MAP4K4: variants seen among roughly 807,000 people sequenced by gnomAD.
The protein encoded by MAP4K4 is mitogen-activated protein kinase kinase kinase kinase 4.
A neutral mutation model predicts 189.6 loss-of-function variants in MAP4K4; 38 were observed. The ratio of observed to expected loss-of-function variants is 0.20; its 90% CI spans 0.15 to 0.26. The LOEUF is 0.26. Among genes scored for constraint, MAP4K4 ranks in the 10% least tolerant of loss-of-function variants. The pLI is 1.00. For missense variants in MAP4K4, 1,054 were observed against 1,726.9 expected, an observed-to-expected ratio of 0.61 and a Z score of 6.91; for synonymous variants, 610 against 624.3, an observed-to-expected ratio of 0.98 and a Z score of 0.34.
intron 2 of MAP4K4, among the ~76,000 whole-genome samples, chr2:101,775,357 C>T (rs1262822571): frequency 6.6e-6 from 1 of 151,518 alleles, no homozygotes; most frequent in Non-Finnish European, 1.5e-5. Flanking sequence ...TTGTATCTTA[C>T]CAAGTTTATT....
chr2:101,836,268 A>G (rs2096747931), intron 9 of MAP4K4, among the ~76,000 whole-genome samples: 1 of 152,196 alleles, frequency 6.6e-6, no homozygotes, highest in African/African-American at 2.4e-5. Context: ...AGTGTAATAT[A>G]CTTCTAAACA....
At chr2:101,749,149 G>GA (rs1214472648) in intron 2 of MAP4K4, among the ~76,000 whole-genome samples, 2 of 150,146 alleles carry the variant, frequency 1.3e-5, no homozygotes, top group African/African-American at 2.4e-5. Flanking sequence ...CACAGAATTG[G>GA]AAAAAACTAC....
At chr2:101,888,175 C>T (rs1387926877) in intron 31 of MAP4K4, among the ~76,000 whole-genome samples, 1 of 152,210 alleles carries the variant, frequency 6.6e-6, no homozygotes, top group Non-Finnish European at 1.5e-5. Flanking sequence ...CATAATCTCT[C>T]ATTTAATCCT....
intron 2 of MAP4K4, among the ~76,000 whole-genome samples, chr2:101,768,144 C>T (rs771643550): frequency 1.6e-4 from 25 of 152,074 alleles, no homozygotes; most frequent in African/African-American, 2.4e-4. Context: ...TGTATCATAA[C>T]GTTAGTAATA....
chr2:101,873,650 C>A, exon 25 of MAP4K4: 2 of 1,557,046 alleles, frequency 1.3e-6, no homozygotes, highest in African/African-American at 1.4e-5. Context: ...ATTGCAGACT[C>A]AGTCCGCTAG....
intron 2 of MAP4K4, among the ~76,000 whole-genome samples, chr2:101,779,703 T>C (rs575953922): frequency 6.6e-6 from 1 of 152,268 alleles, no homozygotes; most frequent in African/African-American, 2.4e-5. Flanking sequence ...GTGCTCTGGC[T>C]TTGGAAACCT....
rs1482309583 is a variant in MAP4K4 at position 101,698,192 on chromosome 2, C to T, written c.57+55C>T. ...GAGCGGGCAGCCGGCAGCCGGCAGC[C>T]GGGGCCGCGCCCAGGTCGGCCGGGC... On this transcript the variant is annotated intron_variant, in intron 1 of 32. Coordinates refer to ENST00000324219, the Ensembl canonical transcript of MAP4K4. 3 of 890,560 alleles carry T rather than the reference C, an allele frequency of 3.4e-6. No individual in the cohort carries two copies. In the African/African-American group the frequency reaches 5.5e-5, roughly 16 times the overall value. The allele number at this position is 890,560 out of a possible 1,614,324, so 55.2% of individuals were successfully genotyped here.
At chr2:101,782,823 T>C (rs888274521) in intron 2 of MAP4K4, among the ~76,000 whole-genome samples, 3 of 152,226 alleles carry the variant, frequency 2.0e-5, no homozygotes, top group African/African-American at 4.8e-5. Flanking sequence ...CTGGGTAATA[T>C]GCTCTCCCAC....
chr2:101,776,845 C>T (rs1558869189), intron 2 of MAP4K4, among the ~76,000 whole-genome samples: 1 of 152,092 alleles, frequency 6.6e-6, no homozygotes, highest in Non-Finnish European at 1.5e-5. Context: ...TTGAATTTCG[C>T]AATCTCATAA....
chr2:101,851,669 G>T (rs1409290110), intron 12 of MAP4K4, among the ~76,000 whole-genome samples: 1 of 135,122 alleles, frequency 7.4e-6, no homozygotes, highest in Non-Finnish European at 1.6e-5. Flanking sequence ...TCTCGATCTA[G>T]TTTACCACTT....
intron 9 of MAP4K4, 32 bp downstream of exon 9, chr2:101,836,010 T>C (rs1225251344): frequency 6.6e-7 from 1 of 1,526,128 alleles, no homozygotes; most frequent in South Asian, 1.1e-5. Flanking sequence ...GTTGTTCTTT[T>C]CCCTTTTTTT....
chr2:101,787,422 T>TA (rs1330063082), intron 2 of MAP4K4, among the ~76,000 whole-genome samples: 2 of 152,196 alleles, frequency 1.3e-5, no homozygotes, highest in African/African-American at 4.8e-5. Flanking sequence ...TCTCTTTAAA[T>TA]ACCCTTCAGG....
Position 101,806,364 on chromosome 2 carries a change from A to G in MAP4K4, c.180+15588A>G, listed in dbSNP as rs539912078. 1.8e-4 allele frequency among the ~76,000 whole-genome samples: 26 copies of G among 148,316 alleles called. No homozygotes were observed. In the South Asian group the frequency reaches 5.5e-3, roughly 32 times the overall value. On this transcript the variant is annotated intron_variant, in intron 3 of 32. Coordinates refer to ENST00000324219, the Ensembl canonical transcript of MAP4K4. ...AGAAAAGAGTGAATGCCTTCATTTC[A>G]GCTGTTTCACTTTTTTTTTTTTTTT...
chr2:101,715,702 G>T (rs1302799807), intron 2 of MAP4K4, among the ~76,000 whole-genome samples: 1 of 152,072 alleles, frequency 6.6e-6, no homozygotes, highest in Non-Finnish European at 1.5e-5. Context: ...TTTGAACCTT[G>T]TTTTTTTAAA....
At chr2:101,707,545 CTCTG>C (rs747331088) in intron 2 of MAP4K4, among the ~76,000 whole-genome samples, 13 of 152,026 alleles carry the variant, frequency 8.6e-5, no homozygotes, top group Non-Finnish European at 1.9e-4. Context: ...CAGAGTTTTG[CTCTG>C]TCCCCCAGGC....
chr2:101,836,406 G>A (rs1237856698), intron 9 of MAP4K4, among the ~76,000 whole-genome samples: 2 of 152,244 alleles, frequency 1.3e-5, no homozygotes, highest in African/African-American at 4.8e-5. Context: ...CCAACATGGA[G>A]AAACCCCGTC....
chr2:101,809,332 C>G (rs2095261021), intron 3 of MAP4K4, among the ~76,000 whole-genome samples: 1 of 149,724 alleles, frequency 6.7e-6, no homozygotes, highest in Non-Finnish European at 1.5e-5. Flanking sequence ...TCTGTCTGAA[C>G]AAGCACTTTT....
At chr2:101,825,643 A>G (rs567242459) in intron 5 of MAP4K4, among the ~76,000 whole-genome samples, 1 of 152,346 alleles carries the variant, frequency 6.6e-6, no homozygotes, top group South Asian at 2.1e-4. Context: ...ACTTAAATAA[A>G]AAAAGCATTT....
intron 2 of MAP4K4, among the ~76,000 whole-genome samples, chr2:101,733,877 T>C (rs2059427471): frequency 2.0e-5 from 3 of 152,212 alleles, no homozygotes; most frequent in Non-Finnish European, 4.4e-5. Flanking sequence ...ACATACTAGC[T>C]GTGTGACCTT....
Sources: allele counts gnomAD v4.1 joint callset (sites outside exome capture counted in the v4.1 genomes callset), GRCh38; gene constraint gnomAD v4.1.1; transcripts MANE v1.5; gene names NCBI Gene and HGNC (gene_info 2026-07-23, HGNC 2026-07-21).